Variants in SLC35E2B observed in about 807,000 individuals in gnomAD.
SLC35E2B encodes solute carrier family 35 member E2B, also known as solute carrier family 35, member E2B.
In SLC35E2B, 18 loss-of-function variants were observed where a neutral mutation model predicts 32.4. The ratio of observed to expected loss-of-function variants is 0.56; its 90% CI spans 0.38 to 0.82. SLC35E2B has a LOEUF of 0.82. SLC35E2B is among the 40% of genes least tolerant of loss of function. SLC35E2B has a pLI of 0.00. For missense variants in SLC35E2B, 263 were observed against 469.5 expected, an observed-to-expected ratio of 0.56 and a Z score of 4.06; for synonymous variants, 132 against 209.1, an observed-to-expected ratio of 0.63 and a Z score of 3.18.
chr1:1,681,422 T>C (rs1401822531), intron 2 of SLC35E2B, among the ~76,000 whole-genome samples: 3 of 150,950 alleles, frequency 2.0e-5, no homozygotes, highest in Non-Finnish European at 1.5e-5. Context: ...TTACCCAGGA[T>C]GGTCTCGATC....
chr1:1,685,457 G>A (rs571170740), intron 2 of SLC35E2B, among the ~76,000 whole-genome samples: 12 of 150,636 alleles, frequency 8.0e-5, no homozygotes, highest in Admixed American at 2.7e-4. Context: ...AATACAGGAA[G>A]GATATACCCA....
chr1:1,689,611 C>T (rs954177679), intron 2 of SLC35E2B, among the ~76,000 whole-genome samples: 8 of 151,466 alleles, frequency 5.3e-5, no homozygotes, highest in Non-Finnish European at 1.0e-4. Context: ...TTTCTCTAAC[C>T]AAACCCCAAA....
chr1:1,680,738 C>G (rs1306397967), intron 2 of SLC35E2B, among the ~76,000 whole-genome samples: 1 of 151,976 alleles, frequency 6.6e-6, no homozygotes, highest in African/African-American at 2.4e-5. Context: ...CAGGAGGAGG[C>G]GATATCTAAT....
rs905915292 is a variant in SLC35E2B at position 1,675,530 on chromosome 1, C to A, written c.519G>T (p.Glu173Asp). Reference sequence around the variant, plus strand: ...AGATGGGGGCGGAGCTCTTCACCGTCTCAGCAAACGAAACCGCCACATTTT... The same window carrying A: ...AGATGGGGGCGGAGCTCTTCACCGTATCAGCAAACGAAACCGCCACATTTT... ...SLKNVAVSFA[E>D]TVKSSAPIFT... The change falls in exon 5 of 10, where the codon GAG becomes GAT. Residue 173 changes from glutamate (E) to aspartate (D), a missense_variant. Physicochemically the swap from Glu to Asp is conservative, Grantham distance 45 (BLOSUM62 2). Transcript: ENST00000617444. 6.4e-7 allele frequency: 1 copy of A among 1,565,436 alleles called. No individual in the cohort carries two copies. The highest frequency in any genetic ancestry group is 8.7e-7 in the Non-Finnish European group (1 of 1,153,658).
rs1643695044 is a variant in SLC35E2B at position 1,671,637 on chromosome 1, G to A, written c.587-8C>T. 1.3e-6 allele frequency: 2 copies of A among 1,538,544 alleles called. No individual in the cohort carries two copies. The highest frequency in any genetic ancestry group is 1.8e-6 in the Non-Finnish European group (2 of 1,140,370). ...AGAGGTTGACCAGCAGCCCTGGCGA[G>A]AGGACAGCCCCTGTGAGTGGCTGAC... On this transcript the variant is annotated splice_region_variant and splice_polypyrimidine_tract_variant and intron_variant, in intron 5 of 9. Transcript: ENST00000617444.
chr1:1,663,028 G>A lies in SLC35E2B; in HGVS notation c.*2754C>T, dbSNP rs185863724. 141 of 949,318 alleles carry A rather than the reference G, an allele frequency of 1.5e-4. 3 individuals are homozygous for A. In the African/African-American group the frequency reaches 2.1e-3, roughly 14 times the overall value. The allele number at this position is 949,318 out of a possible 1,614,324, so 58.8% of individuals were successfully genotyped here. On this transcript the variant is annotated 3_prime_UTR_variant, in exon 10 of 10. Coordinates refer to ENST00000617444, the MANE Select transcript of SLC35E2B (RefSeq NM_001290264.2). Reference sequence around the variant, plus strand: ...TGCTGGGAATGCCATGAAGACCAGCGGCTGGAAACTGACTTGGGCATGGAG... The same window carrying A: ...TGCTGGGAATGCCATGAAGACCAGCAGCTGGAAACTGACTTGGGCATGGAG...
chr1:1,689,004 T>C (rs1440192299), intron 2 of SLC35E2B, among the ~76,000 whole-genome samples: 2 of 151,890 alleles, frequency 1.3e-5, no homozygotes, highest in African/African-American at 4.8e-5. Flanking sequence ...ACCCCGTCTC[T>C]ACCAAAAATA....
At chr1:1,678,574 C>A (rs947715033) in intron 2 of SLC35E2B, among the ~76,000 whole-genome samples, 3 of 152,118 alleles carry the variant, frequency 2.0e-5, no homozygotes, top group African/African-American at 7.2e-5. Flanking sequence ...CCTCGGTGCA[C>A]CAGGACAGCT....
Position 1,671,592 on chromosome 1 carries a change from G to A in SLC35E2B, c.624C>T (p.Gly208=), listed in dbSNP as rs1375178959. ...CAGTGGCCGTGCACAGCGCCAGCCC[G>A]CCCATGACTGGGATGAGGGAGAGGT... ...LVNLSLIPVM[G]GLALCTATEI... Residue 208 remains glycine, a synonymous_variant, in exon 6 of 10, where the codon GGC becomes GGT. Transcript: ENST00000617444. 27 of 1,548,406 alleles carry A rather than the reference G, an allele frequency of 1.7e-5. No homozygotes were observed. Among genetic ancestry groups the A allele is most frequent in the Middle Eastern group, 3.3e-4 (2 of 6,002 alleles).
In SLC35E2B at chr1:1,664,821, G is replaced by T; in HGVS notation, c.*961C>A. Reference sequence around the variant, plus strand: ...ATCAACACTGCAGCGTCCTGCCCAAGGCTCACGTGGGGAACCGGACAGGTG... The same window carrying T: ...ATCAACACTGCAGCGTCCTGCCCAATGCTCACGTGGGGAACCGGACAGGTG... On this transcript the variant is annotated 3_prime_UTR_variant, in exon 10 of 10. Transcript: ENST00000617444. The T allele has an allele frequency of 5.5e-6, 5 of 905,188 alleles. No homozygotes were observed. The highest frequency in any genetic ancestry group is 6.6e-6 in the Non-Finnish European group (5 of 762,364). 56.1% of individuals were successfully genotyped at this position (905,188 alleles called of 1,614,324 possible).
Position 1,680,805 on chromosome 1 carries a change from C to CT in SLC35E2B, c.-147-3960dup, listed in dbSNP as rs751698818. The stretch of plus-strand genomic sequence containing the variant: ...AAATGCCTGAGGCTGGCTGCTTATT[C>CT]TTTTTTTTTTTTTTTTAGATGGAAT... On this transcript the variant is annotated intron_variant, in intron 2 of 9. Coordinates refer to ENST00000617444, the MANE Select transcript of SLC35E2B (RefSeq NM_001290264.2). Among the ~76,000 whole-genome samples, 924 of 141,446 alleles carry CT rather than the reference C, an allele frequency of 6.5e-3. 7 individuals are homozygous for CT. The highest frequency in any genetic ancestry group is 7.2e-3 in the African/African-American group (280 of 38,974). 92.8% of individuals were successfully genotyped at this position (141,446 alleles called of 152,430 possible).
chr1:1,669,942 G>C, intron 7 of SLC35E2B, 156 bp downstream of exon 7: 1 of 852,648 alleles, frequency 1.2e-6, no homozygotes, highest in African/African-American at 1.7e-5. Context: ...GCTGAGAAAC[G>C]GGCGGGTCCC....
Position 1,675,368 on chromosome 1 carries a change from G to A in SLC35E2B, c.586+95C>T, listed in dbSNP as rs984141646. ...GGGCACCACTCTGAGTGGTCCTCGC[G>A]GCAGAGCCCCATGGCAGGCAGCAGA... On this transcript the variant is annotated intron_variant, in intron 5 of 9. Transcript: ENST00000617444. 30 of 805,886 alleles carry A rather than the reference G, an allele frequency of 3.7e-5. 1 individual carries two copies. The highest frequency in any genetic ancestry group is 2.5e-4 in the African/African-American group (14 of 56,594). 49.9% of individuals were successfully genotyped at this position (805,886 alleles called of 1,614,324 possible). A position where few individuals can be genotyped will look rare whatever the true frequency, so the allele number is the denominator to read the frequency against.
At chr1:1,675,420 G>A in intron 5 of SLC35E2B, 43 bp downstream of exon 5, 2 of 1,604,828 alleles carry the variant, frequency 1.2e-6, no homozygotes, top group Non-Finnish European at 1.7e-6. Flanking sequence ...GGAGGCCTGG[G>A]ATGGTGGGGC....
intron 2 of SLC35E2B, among the ~76,000 whole-genome samples, chr1:1,685,622 G>T (rs1297245987): frequency 6.6e-6 from 1 of 151,976 alleles, no homozygotes; most frequent in Non-Finnish European, 1.5e-5. Context: ...AAGGGTCTCT[G>T]AAATGGAACA....
chr1:1,677,755 T>C (rs561436676), intron 2 of SLC35E2B, among the ~76,000 whole-genome samples: 17 of 151,958 alleles, frequency 1.1e-4, no homozygotes, highest in Admixed American at 3.9e-4. Flanking sequence ...TAAAGTTCCA[T>C]GCTACTTTCT....
At chr1:1,689,194 G>A (rs2101121771) in intron 2 of SLC35E2B, among the ~76,000 whole-genome samples, 1 of 152,140 alleles carries the variant, frequency 6.6e-6, no homozygotes, top group South Asian at 2.1e-4. Context: ...AAACAGGTCT[G>A]GTGTACCCAG....
intron 2 of SLC35E2B, among the ~76,000 whole-genome samples, chr1:1,688,380 G>A (rs867790695): frequency 9.5e-4 from 144 of 152,174 alleles, no homozygotes; most frequent in African/African-American, 3.2e-3. Flanking sequence ...GCTGAGGTGG[G>A]CGGATCACAA....
intron 2 of SLC35E2B, among the ~76,000 whole-genome samples, chr1:1,681,665 C>A (rs1470423298): frequency 3.3e-5 from 5 of 151,242 alleles, no homozygotes; most frequent in Admixed American, 1.3e-4. Flanking sequence ...CGCCACCAAG[C>A]CTGGCTAATT....
Sources: allele counts gnomAD v4.1 joint callset (sites outside exome capture counted in the v4.1 genomes callset), GRCh38; gene constraint gnomAD v4.1.1; transcripts MANE v1.5; gene names NCBI Gene and HGNC (gene_info 2026-07-23, HGNC 2026-07-21).